The following CSMD3 variants were observed in gnomAD, a reference collection of about 807,000 sequenced individuals.
CSMD3 encodes CUB and Sushi multiple domains 3, also known as CUB and sushi domain-containing protein 3.
In CSMD3, 177 loss-of-function variants were observed where a neutral mutation model predicts 435.2. The observed-to-expected ratio is 0.41, with a 90% CI of 0.36 to 0.46. CSMD3 has a LOEUF of 0.46. Among genes scored for constraint, CSMD3 ranks in the 20% least tolerant of loss-of-function variants. The pLI is 0.34. For missense variants in CSMD3, 4,265 were observed against 4,504.6 expected (o/e 0.95, Z 1.52); for synonymous variants, 1,656 against 1,520.5 (o/e 1.09, Z -2.07).
intron 28 of CSMD3, among the ~76,000 whole-genome samples, chr8:112,515,970 A>G (rs942868542): frequency 6.6e-6 from 1 of 152,050 alleles, no homozygotes; most frequent in African/African-American, 2.4e-5. Flanking sequence ...TTAATGACTA[A>G]TGAATTTGAT....
intron 3 of CSMD3, among the ~76,000 whole-genome samples, chr8:113,257,210 C>T (rs2093389056): frequency 6.6e-6 from 1 of 152,066 alleles, no homozygotes; most frequent in African/African-American, 2.4e-5. Context: ...AGATCAAGAC[C>T]TTCCTGGCTA....
intron 23 of CSMD3, among the ~76,000 whole-genome samples, chr8:112,585,236 G>A (rs1830633111): frequency 6.6e-6 from 1 of 151,092 alleles, no homozygotes; most frequent in Admixed American, 6.6e-5. Flanking sequence ...TAATTGAATT[G>A]GTGTGTTTCT....
chr8:112,589,936 G>A (rs753932411), intron 22 of CSMD3, among the ~76,000 whole-genome samples: 2 of 152,100 alleles, frequency 1.3e-5, no homozygotes, highest in African/African-American at 2.4e-5. Flanking sequence ...TTATGTCAAT[G>A]TTAAGGTTTT....
intron 3 of CSMD3, among the ~76,000 whole-genome samples, chr8:113,236,042 C>T (rs763003322): frequency 6.6e-6 from 1 of 152,138 alleles, no homozygotes; most frequent in African/African-American, 2.4e-5. Context: ...CTAGAGACTT[C>T]CCTGGGGTCC....
chr8:112,858,857 T>G (rs1265154012), intron 11 of CSMD3, among the ~76,000 whole-genome samples: 3 of 151,898 alleles, frequency 2.0e-5, no homozygotes, highest in Admixed American at 1.3e-4. Flanking sequence ...TCATGATTCC[T>G]TTTAAAAAGG....
chr8:113,127,913 T>G, intron 4 of CSMD3, among the ~76,000 whole-genome samples: 1 of 152,200 alleles, frequency 6.6e-6, no homozygotes, highest in Middle Eastern at 3.4e-3. Flanking sequence ...AGTCAAACAC[T>G]TCAACCCAGG....
At chr8:112,464,965 A>T (rs758882849) in intron 32 of CSMD3, among the ~76,000 whole-genome samples, 3 of 152,196 alleles carry the variant, frequency 2.0e-5, no homozygotes, top group Non-Finnish European at 4.4e-5. Flanking sequence ...TCTGACCAAA[A>T]AGGTAGTAAA....
chr8:113,373,116 C>T (rs1002725384), intron 1 of CSMD3, among the ~76,000 whole-genome samples: 3 of 152,104 alleles, frequency 2.0e-5, no homozygotes, highest in African/African-American at 7.2e-5. Flanking sequence ...CAACGCCACT[C>T]TGAAGCAGAA....
chr8:113,012,484 G>A (rs1564207134), intron 6 of CSMD3, among the ~76,000 whole-genome samples: 2 of 151,888 alleles, frequency 1.3e-5, no homozygotes, highest in African/African-American at 2.4e-5. Flanking sequence ...ATCCCGATAT[G>A]TTAAGAGAGG....
chr8:113,156,950 G>GAGAC (rs1175814472), intron 4 of CSMD3, among the ~76,000 whole-genome samples: 1 of 151,498 alleles, frequency 6.6e-6, no homozygotes, highest in African/African-American at 2.4e-5. Flanking sequence ...GAGAGAGAGA[G>GAGAC]AGAGAGACAG....
chr8:112,382,384 T>C (rs1391243009), intron 37 of CSMD3, among the ~76,000 whole-genome samples: 2 of 152,062 alleles, frequency 1.3e-5, no homozygotes, highest in African/African-American at 4.8e-5. Context: ...GCGATTTTTC[T>C]AAGATTTCTA....
intron 32 of CSMD3, among the ~76,000 whole-genome samples, chr8:112,426,260 GA>G: frequency 6.6e-6 from 1 of 152,130 alleles, no homozygotes; most frequent in Middle Eastern, 3.4e-3. Context: ...GAGTGAGGGT[GA>G]AAACTTTTTT....
At chr8:112,506,388 T>C (rs752438508) in intron 29 of CSMD3, among the ~76,000 whole-genome samples, 4 of 152,096 alleles carry the variant, frequency 2.6e-5, no homozygotes, top group Non-Finnish European at 5.9e-5. Flanking sequence ...ACTTTTCTAC[T>C]TGGAAAATCA....
chr8:112,787,169 T>C (rs2078566251), intron 13 of CSMD3, among the ~76,000 whole-genome samples: 1 of 152,184 alleles, frequency 6.6e-6, no homozygotes, highest in African/African-American at 2.4e-5. Flanking sequence ...GTCTTTGCTA[T>C]TGTGAATAGT....
At chr8:113,287,178 T>C (rs1010320388) in intron 2 of CSMD3, among the ~76,000 whole-genome samples, 2 of 151,994 alleles carry the variant, frequency 1.3e-5, no homozygotes, top group Non-Finnish European at 2.9e-5. Context: ...ATATATTATA[T>C]AATACGACCA....
Position 113,032,949 on chromosome 8 carries a change from GC to G in CSMD3, c.918-13771del, listed in dbSNP as rs372382426. On this transcript the variant is annotated intron_variant, in intron 5 of 70. Coordinates refer to ENST00000297405, the MANE Select transcript of CSMD3 (RefSeq NM_198123.2). ...TAAAAGGGGTCAAGGCACAGCTTGG[GC>G]CATTGCTTCAAATGGTCCAAGCCCT... Among the ~76,000 whole-genome samples the G allele has an allele frequency of 3.5e-3, 538 of 151,654 alleles. 4 individuals are homozygous for G. Among genetic ancestry groups the G allele is most frequent in the African/African-American group, 0.012 (501 of 41,470 alleles).
chr8:112,602,231 G>C (rs559597165), intron 22 of CSMD3, among the ~76,000 whole-genome samples: 1 of 152,218 alleles, frequency 6.6e-6, no homozygotes, highest in Non-Finnish European at 1.5e-5. Flanking sequence ...TTAAAGAAAA[G>C]TTTATAACAT....
intron 40 of CSMD3, among the ~76,000 whole-genome samples, chr8:112,347,310 C>T (rs1586836875): frequency 6.6e-6 from 1 of 152,088 alleles, no homozygotes; most frequent in South Asian, 2.1e-4. Flanking sequence ...ACATTTTTAT[C>T]ATTTTATTGT....
intron 5 of CSMD3, among the ~76,000 whole-genome samples, chr8:113,021,448 G>T (rs555265681): frequency 6.6e-6 from 1 of 152,076 alleles, no homozygotes; most frequent in Non-Finnish European, 1.5e-5. Flanking sequence ...ATGAATATCC[G>T]TTAGGGAAAG....
Sources: allele counts gnomAD v4.1 joint callset (sites outside exome capture counted in the v4.1 genomes callset), GRCh38; gene constraint gnomAD v4.1.1; transcripts MANE v1.5; gene names NCBI Gene and HGNC (gene_info 2026-07-23, HGNC 2026-07-21).